The following NRG3 variants were observed in gnomAD, a reference collection of about 807,000 sequenced individuals.
NRG3 encodes the protein neuregulin 3, also known as pro-neuregulin-3, membrane-bound isoform.
A neutral mutation model predicts 66.9 loss-of-function variants in NRG3; 31 were observed. That is an observed-to-expected ratio of 0.46 (90% CI 0.35 to 0.63). The LOEUF (loss-of-function observed/expected upper bound fraction) is 0.63. NRG3 is among the 20% of genes least tolerant of loss of function. The pLI is 0.00. For synonymous variants in NRG3, 393 were observed against 359.4 expected, an observed-to-expected ratio of 1.09 and a Z score of -1.06; for missense variants, 910 against 878.9, an observed-to-expected ratio of 1.04 and a Z score of -0.45.
At chr10:81,919,783 G>A (rs566471487) in intron 1 of NRG3, among the ~76,000 whole-genome samples, 3 of 152,112 alleles carry the variant, frequency 2.0e-5, no homozygotes, top group African/African-American at 4.8e-5. Flanking sequence ...AATGTCCAGA[G>A]GTATCACCTC....
chr10:82,417,261 G>GT (rs1554914875), intron 2 of NRG3, among the ~76,000 whole-genome samples: 2 of 152,170 alleles, frequency 1.3e-5, no homozygotes, highest in Non-Finnish European at 2.9e-5. Context: ...GGTGAACATG[G>GT]TTCAATAAGA....
In NRG3 at chr10:82,985,566, A is replaced by C. The variant is rs753733967; in HGVS notation, c.2052A>C (p.Leu684Phe). ...CAGAACGAGAGGCGCAATTTGTCTTAAGAAATGAAATACAAAGAGACTCTG... is the reference window on the plus strand; with the variant it reads ...CAGAACGAGAGGCGCAATTTGTCTTCAGAAATGAAATACAAAGAGACTCTG... ...AKSEREAQFV[L>F]RNEIQRDSAL... The change falls in exon 9 of 9, where the codon TTA becomes TTC. Residue 684 changes from leucine (L) to phenylalanine (F), a missense_variant. Leu to Phe is a conservative substitution (Grantham distance 22). Coordinates refer to ENST00000372141, the MANE Select transcript of NRG3 (RefSeq NM_001010848.4). 19 of 1,613,642 alleles carry C rather than the reference A, an allele frequency of 1.2e-5. No individual in the cohort carries two copies. The highest frequency in any genetic ancestry group is 1.6e-5 in the Non-Finnish European group (19 of 1,179,980).
chr10:82,186,341 T>C (rs1032281077), intron 1 of NRG3, among the ~76,000 whole-genome samples: 1 of 152,184 alleles, frequency 6.6e-6, no homozygotes. Context: ...ACTTTTCCTT[T>C]GCTCATACTC....
intron 2 of NRG3, among the ~76,000 whole-genome samples, chr10:82,659,481 A>C (rs2052145520): frequency 6.6e-6 from 1 of 152,084 alleles, no homozygotes; most frequent in African/African-American, 2.4e-5. Context: ...ATCTCTATTA[A>C]AAATACAAAA....
At chr10:82,361,789 A>G (rs1055623388) in intron 2 of NRG3, among the ~76,000 whole-genome samples, 4 of 152,112 alleles carry the variant, frequency 2.6e-5, no homozygotes, top group Non-Finnish European at 5.9e-5. Flanking sequence ...TTCAAGTTAA[A>G]TAAGATGCCA....
intron 2 of NRG3, among the ~76,000 whole-genome samples, chr10:82,432,215 A>G (rs969673638): frequency 1.3e-5 from 2 of 152,162 alleles, no homozygotes; most frequent in East Asian, 1.9e-4. Context: ...TTCCTAAAAT[A>G]AGTTATCAAA....
chr10:81,880,221 C>G lies in NRG3; in HGVS notation c.823+4058C>G, dbSNP rs1053964671. ...TGTTGGCAAGGATATTTTTAGGGCC[C>G]TTTTTAGTTTGGACTCGTTGGTCTC... is the stretch of plus-strand genomic sequence containing the variant. On this transcript the variant is annotated intron_variant, in intron 1 of 8. Coordinates refer to ENST00000372141, the MANE Select transcript of NRG3 (RefSeq NM_001010848.4). Among the ~76,000 whole-genome samples the G allele has an allele frequency of 5.3e-5, 8 of 151,934 alleles. No individual in the cohort carries two copies. In the East Asian group the frequency reaches 1.2e-3, roughly 22 times the overall value.
intron 1 of NRG3, among the ~76,000 whole-genome samples, chr10:82,240,915 A>T (rs746242726): frequency 1.3e-4 from 20 of 151,928 alleles, no homozygotes; most frequent in Non-Finnish European, 2.4e-4. Flanking sequence ...GATTTTTTTT[A>T]AAAAACCCTG....
intron 2 of NRG3, among the ~76,000 whole-genome samples, chr10:82,416,534 C>T (rs953645969): frequency 1.3e-5 from 2 of 152,146 alleles, no homozygotes; most frequent in African/African-American, 2.4e-5. Context: ...AGAAAGTGAG[C>T]TCAGGTCCCC....
rs538475386 is a variant in NRG3, at chr10:82,039,357, C to T, written c.823+163194C>T. Among the ~76,000 whole-genome samples, 9 of 152,150 alleles carry T rather than the reference C, an allele frequency of 5.9e-5. No homozygotes were observed. In the East Asian group the frequency reaches 1.7e-3, roughly 29 times the overall value. On this transcript the variant is annotated intron_variant, in intron 1 of 8. Coordinates refer to ENST00000372141, the MANE Select transcript of NRG3 (RefSeq NM_001010848.4). Reference sequence around the variant, plus strand: ...CAGAGAGCCTATTAGCCATGAAATTCGATTTCAGTATCAGAGACTATTCAC... The same window carrying T: ...CAGAGAGCCTATTAGCCATGAAATTTGATTTCAGTATCAGAGACTATTCAC...
chr10:82,538,461 C>A (rs1263104416), intron 2 of NRG3, among the ~76,000 whole-genome samples: 1 of 152,090 alleles, frequency 6.6e-6, no homozygotes, highest in East Asian at 1.9e-4. Context: ...GTCTGCTTTT[C>A]CTTTTAAAAT....
chr10:82,193,855 G>T (rs538526733), intron 1 of NRG3, among the ~76,000 whole-genome samples: 4 of 152,302 alleles, frequency 2.6e-5, no homozygotes, highest in South Asian at 4.1e-4. Context: ...AGATATAAAT[G>T]TTGAGGCTTA....
chr10:82,231,634 A>T (rs1159402259), intron 1 of NRG3, among the ~76,000 whole-genome samples: 1 of 152,214 alleles, frequency 6.6e-6, no homozygotes, highest in Non-Finnish European at 1.5e-5. Flanking sequence ...TGTGCATCAC[A>T]TAACATAGAC....
chr10:81,884,782 TG>T (rs1842482163), intron 1 of NRG3, among the ~76,000 whole-genome samples: 1 of 152,180 alleles, frequency 6.6e-6, no homozygotes, highest in South Asian at 2.1e-4. Context: ...AAAGGATGAC[TG>T]TACAAAAAAT....
At chr10:82,841,940 A>G (rs1354518873) in intron 3 of NRG3, among the ~76,000 whole-genome samples, 3 of 152,156 alleles carry the variant, frequency 2.0e-5, no homozygotes, top group South Asian at 2.1e-4. Context: ...TGGCCTCCAT[A>G]TAGCCACAGA....
intron 1 of NRG3, among the ~76,000 whole-genome samples, chr10:82,021,363 A>G (rs1359383266): frequency 6.6e-6 from 1 of 152,152 alleles, no homozygotes. Flanking sequence ...TTCAGACAAC[A>G]TACCAGAGGG....
chr10:82,260,810 T>C (rs1034074111), intron 1 of NRG3, among the ~76,000 whole-genome samples: 3 of 152,160 alleles, frequency 2.0e-5, no homozygotes, highest in African/African-American at 7.2e-5. Context: ...TACATTTAGG[T>C]GCTACATGAT....
At chr10:82,851,831 T>A (rs1279730121) in intron 3 of NRG3, among the ~76,000 whole-genome samples, 2 of 152,190 alleles carry the variant, frequency 1.3e-5, no homozygotes, top group African/African-American at 4.8e-5. Context: ...AATCATTTAA[T>A]TAAATTGCGT....
At chr10:82,529,527 G>T (rs1256837091) in intron 2 of NRG3, among the ~76,000 whole-genome samples, 2 of 152,152 alleles carry the variant, frequency 1.3e-5, no homozygotes, top group African/African-American at 4.8e-5. Context: ...TTAGTTTGTT[G>T]TTTGGCAATG....
Sources: allele counts gnomAD v4.1 joint callset (sites outside exome capture counted in the v4.1 genomes callset), GRCh38; gene constraint gnomAD v4.1.1; transcripts MANE v1.5; gene names NCBI Gene and HGNC (gene_info 2026-07-23, HGNC 2026-07-21).